CCNB3: variants seen among roughly 807,000 people sequenced by gnomAD.
CCNB3 encodes cyclin B3, also known as G2/mitotic-specific cyclin-B3.
Under a neutral mutation model 68.0 loss-of-function variants are expected in CCNB3, and 12 were observed. The ratio of observed to expected loss-of-function variants is 0.18; its 90% CI spans 0.11 to 0.29. The LOEUF is 0.29. Among genes scored for constraint, CCNB3 ranks in the 10% least tolerant of loss-of-function variants. The probability of loss-of-function intolerance (pLI) is 1.00; values close to 1 mark genes in which losing one functional copy is unlikely to be tolerated. For synonymous variants in CCNB3, 354 were observed against 388.9 expected (o/e 0.91, Z 1.06); for missense variants, 904 against 993.1 (o/e 0.91, Z 1.21).
intron 8 of CCNB3, among the ~76,000 whole-genome samples, chrX:50,324,829 A>G (rs1408073198): frequency 1.8e-5 from 2 of 111,838 alleles, no homozygotes; most frequent in Admixed American, 9.5e-5. Flanking sequence ...ATTTTTCTCA[A>G]TAATCTGCAG....
intron 12 of CCNB3, 77 bp from the exon 13 acceptor site, chrX:50,351,530 G>T (rs1173958371): frequency 1.9e-6 from 2 of 1,046,945 alleles, no homozygotes; most frequent in African/African-American, 3.7e-5. Flanking sequence ...ACTAAGGGCT[G>T]TATGTCCCAC....
intron 8 of CCNB3, among the ~76,000 whole-genome samples, chrX:50,336,689 G>T (rs1334164312): frequency 9.0e-6 from 1 of 111,399 alleles, no homozygotes; most frequent in Admixed American, 9.5e-5. Flanking sequence ...ATCCTTTTGA[G>T]CCTCTTTCTT....
At chrX:50,331,770 C>T (rs1922607333) in intron 8 of CCNB3, among the ~76,000 whole-genome samples, 1 of 111,696 alleles carries the variant, frequency 9.0e-6, no homozygotes, top group African/African-American at 3.3e-5. Flanking sequence ...CTCAGGAGAG[C>T]GTTTGTAAAC....
At chrX:50,307,020 T>A (rs782810818) in intron 5 of CCNB3, among the ~76,000 whole-genome samples, 1 of 111,661 alleles carries the variant, frequency 9.0e-6, no homozygotes, top group Non-Finnish European at 1.9e-5. Flanking sequence ...CTTTGAAGAG[T>A]TAATGAAGAA....
chrX:50,226,635 T>A (rs1369031487), intron 1 of CCNB3, among the ~76,000 whole-genome samples: 1 of 81,014 alleles, frequency 1.2e-5, no homozygotes, highest in Non-Finnish European at 2.2e-5. Context: ...AATATATCTA[T>A]AAATATATAT....
intron 6 of CCNB3, among the ~76,000 whole-genome samples, chrX:50,311,770 C>T (rs1335996980): frequency 9.1e-6 from 1 of 110,195 alleles, no homozygotes; most frequent in African/African-American, 3.3e-5. Context: ...TGAGGTTACC[C>T]ATGATTTGGG....
chrX:50,305,127 C>G (rs1936734233), intron 5 of CCNB3, among the ~76,000 whole-genome samples: 1 of 111,751 alleles, frequency 8.9e-6, no homozygotes, highest in African/African-American at 3.3e-5. Context: ...ACTAGAAATA[C>G]CATTTGACCC....
chrX:50,296,164 A>G (rs985396544), intron 5 of CCNB3, among the ~76,000 whole-genome samples: 79 of 108,915 alleles, frequency 7.3e-4, no homozygotes, highest in Non-Finnish European at 1.2e-3. Flanking sequence ...AAGTTTTAGG[A>G]TACATGTGCA....
At chrX:50,297,742 A>G (rs1355609224) in intron 5 of CCNB3, among the ~76,000 whole-genome samples, 4 of 111,420 alleles carry the variant, frequency 3.6e-5, no homozygotes, top group Non-Finnish European at 1.9e-5. Context: ...TTTTCACAAT[A>G]TTGATTCTTC....
In CCNB3 at chrX:50,285,151, G is replaced by T. The variant is rs191263493; in HGVS notation, c.-13G>T. 2.7e-4 allele frequency: 322 copies of T among 1,178,054 alleles called. 2 individuals carry two copies. In the African/African-American group the frequency reaches 5.5e-3, roughly 20 times the overall value. On this transcript the variant is annotated 5_prime_UTR_variant, in exon 3 of 13. Transcript: ENST00000376042. ...GCCCTGCCTTGGACAAGACGCAGCT[G>T]AATCTCTAAGTGATGCTACTGCCAC...
chrX:50,228,207 TTATACA>T (rs1457182110), intron 1 of CCNB3, among the ~76,000 whole-genome samples: 1 of 90,669 alleles, frequency 1.1e-5, no homozygotes, highest in African/African-American at 4.1e-5. Context: ...ATATAAATAC[TTATACA>T]TAGAATACAT....
At chrX:50,327,712 A>C (rs1922365148) in intron 8 of CCNB3, among the ~76,000 whole-genome samples, 1 of 112,069 alleles carries the variant, frequency 8.9e-6, no homozygotes, top group African/African-American at 3.2e-5. Context: ...TACTTTTCAC[A>C]TGCATGAGCT....
intron 8 of CCNB3, among the ~76,000 whole-genome samples, chrX:50,326,702 C>T (rs1284601738): frequency 9.0e-6 from 1 of 111,379 alleles, no homozygotes; most frequent in Non-Finnish European, 1.9e-5. Flanking sequence ...TTCATAGATT[C>T]AGTGTCCTCT....
chrX:50,287,020 G>C (rs1936253440), intron 3 of CCNB3, among the ~76,000 whole-genome samples: 1 of 112,286 alleles, frequency 8.9e-6, no homozygotes, highest in Admixed American at 9.4e-5. Context: ...GTAACTTACT[G>C]TGCCATGTAT....
chrX:50,285,464 G>T (rs911874013), intron 3 of CCNB3, among the ~76,000 whole-genome samples: 1 of 110,833 alleles, frequency 9.0e-6, no homozygotes, highest in Non-Finnish European at 1.9e-5. Context: ...TAAATGCAGG[G>T]CTCAAATGAA....
At chrX:50,203,814 G>A (rs781901183), upstream of CCNB3, among the ~76,000 whole-genome samples, 10 of 111,734 alleles carry the variant, frequency 8.9e-5, no homozygotes, top group Non-Finnish European at 1.9e-4. Flanking sequence ...TTTATAGGCA[G>A]GGGCTTAATT....
At position 50,227,623 on chromosome X, in the gene CCNB3, TAG is replaced by T. The variant is rs1266141322; in HGVS notation, c.-113+22679_-113+22680del. The stretch of plus-strand genomic sequence containing the variant: ...CAGAGAATATATATATAAATATATA[TAG>T]AGAGAATACATATATATAGAGAGAA... On this transcript the variant is annotated intron_variant, in intron 1 of 12. Transcript: ENST00000376042. Among the ~76,000 whole-genome samples, 6 of 76,221 alleles carry T rather than the reference TAG, an allele frequency of 7.9e-5. No homozygotes were observed. The East Asian group carries it at 1.8e-3, about 23-fold the overall frequency. 66.2% of individuals were successfully genotyped at this position (76,221 alleles called of 115,157 possible). A position where few individuals can be genotyped will look rare whatever the true frequency, so the allele number is the denominator to read the frequency against.
intron 8 of CCNB3, among the ~76,000 whole-genome samples, chrX:50,329,311 T>C (rs1387496542): frequency 1.8e-5 from 2 of 112,769 alleles, no homozygotes; most frequent in Non-Finnish European, 3.8e-5. Flanking sequence ...CTGTGGGGGT[T>C]CCACCCCTGC....
At chrX:50,227,118 G>A (rs1935868055) in intron 1 of CCNB3, among the ~76,000 whole-genome samples, 2 of 71,847 alleles carry the variant, frequency 2.8e-5, no homozygotes, top group Non-Finnish European at 4.9e-5. Flanking sequence ...CAAATATATA[G>A]AATATATACA....
Sources: allele counts gnomAD v4.1 joint callset (sites outside exome capture counted in the v4.1 genomes callset), GRCh38; gene constraint gnomAD v4.1.1; transcripts MANE v1.5; gene names NCBI Gene and HGNC (gene_info 2026-07-23, HGNC 2026-07-21).